The following PRKG1 variants were observed in gnomAD, a reference collection of about 807,000 sequenced individuals.
PRKG1 encodes cGMP-dependent protein kinase 1.
In PRKG1, 35 loss-of-function variants were observed where a neutral mutation model predicts 88.1. That is an observed-to-expected ratio of 0.40 (90% confidence interval 0.30 to 0.53). The LOEUF (loss-of-function observed/expected upper bound fraction) is 0.53, where lower values mean the gene tolerates loss of function less well. PRKG1 is among the 20% of genes least tolerant of loss of function. PRKG1 has a pLI of 0.59. For synonymous variants in PRKG1, 303 were observed against 292.5 expected, an observed-to-expected ratio of 1.04 and a Z score of -0.37; for missense variants, 540 against 839.8, an observed-to-expected ratio of 0.64 and a Z score of 4.41.
intron 1 of PRKG1, among the ~76,000 whole-genome samples, chr10:51,077,411 T>TC (rs1843985148): frequency 6.6e-6 from 1 of 152,200 alleles, no homozygotes; most frequent in Non-Finnish European, 1.5e-5. Flanking sequence ...TTTTTGATTC[T>TC]CTTTTTTTTA....
At chr10:51,431,819 A>G (rs1276157059) in intron 2 of PRKG1, among the ~76,000 whole-genome samples, 3 of 152,206 alleles carry the variant, frequency 2.0e-5, no homozygotes, top group Non-Finnish European at 2.9e-5. Flanking sequence ...ATTTTTTAGT[A>G]TATTTTAATA....
chr10:51,069,900 G>A (rs879572374), upstream of PRKG1, among the ~76,000 whole-genome samples: 3 of 151,988 alleles, frequency 2.0e-5, no homozygotes, highest in African/African-American at 4.8e-5. Flanking sequence ...TCTGGCAAAT[G>A]GGTTCAAGTT....
chr10:51,031,109 CTA>C (rs1216101543), intron 1 of PRKG1, among the ~76,000 whole-genome samples: 1 of 152,116 alleles, frequency 6.6e-6, no homozygotes, highest in Non-Finnish European at 1.5e-5. Context: ...AATCTTGACT[CTA>C]TTTGCATTTT....
chr10:51,031,423 G>A (rs1023749971), intron 1 of PRKG1, among the ~76,000 whole-genome samples: 6 of 152,116 alleles, frequency 3.9e-5, no homozygotes, highest in African/African-American at 1.2e-4. Flanking sequence ...CAAAGAGATG[G>A]CAGCTTCTCA....
At chr10:51,813,081 C>G (rs1235624362) in intron 4 of PRKG1, among the ~76,000 whole-genome samples, 1 of 152,204 alleles carries the variant, frequency 6.6e-6, no homozygotes, top group Non-Finnish European at 1.5e-5. Context: ...GGACCCACTT[C>G]AAACTCAAAT....
chr10:51,966,560 T>C (rs1589464296), intron 5 of PRKG1, among the ~76,000 whole-genome samples: 1 of 152,164 alleles, frequency 6.6e-6, no homozygotes, highest in East Asian at 1.9e-4. Flanking sequence ...CCAAACTTTC[T>C]CCCAATTCCT....
At chr10:52,214,930 T>A (rs1167677697) in intron 9 of PRKG1, among the ~76,000 whole-genome samples, 1 of 152,096 alleles carries the variant, frequency 6.6e-6, no homozygotes, top group Non-Finnish European at 1.5e-5. Flanking sequence ...TGTGGGTCAT[T>A]TTGAATATTG....
At chr10:51,049,084 G>A (rs1843527451) in intron 1 of PRKG1, among the ~76,000 whole-genome samples, 1 of 151,882 alleles carries the variant, frequency 6.6e-6, no homozygotes, top group African/African-American at 2.4e-5. Context: ...GACAGGGCCG[G>A]GAAAGGAAGA....
At chr10:51,902,458 T>C (rs1842001046) in intron 4 of PRKG1, among the ~76,000 whole-genome samples, 1 of 152,120 alleles carries the variant, frequency 6.6e-6, no homozygotes, top group Non-Finnish European at 1.5e-5. Flanking sequence ...ACTATACACT[T>C]CTAAAATTAT....
intron 3 of PRKG1, among the ~76,000 whole-genome samples, chr10:51,555,874 C>T (rs1837297453): frequency 6.6e-6 from 1 of 151,982 alleles, no homozygotes; most frequent in Non-Finnish European, 1.5e-5. Flanking sequence ...ATACCCCCTA[C>T]ATCTGAAGTT....
chr10:51,151,085 A>G (rs1384064943), intron 1 of PRKG1, among the ~76,000 whole-genome samples: 2 of 149,878 alleles, frequency 1.3e-5, no homozygotes, highest in East Asian at 3.9e-4. Context: ...ATTAGTTTTT[A>G]TTGTACAAGA....
At chr10:51,837,335 A>G (rs1450686076) in intron 4 of PRKG1, among the ~76,000 whole-genome samples, 1 of 152,194 alleles carries the variant, frequency 6.6e-6, no homozygotes, top group Non-Finnish European at 1.5e-5. Flanking sequence ...AAAATTAAAT[A>G]GCATACTTTA....
At chr10:51,244,583 G>A (rs1839239638) in intron 2 of PRKG1, among the ~76,000 whole-genome samples, 1 of 151,894 alleles carries the variant, frequency 6.6e-6, no homozygotes, top group East Asian at 1.9e-4. Context: ...ATGCCTTAAG[G>A]GATCCCTAGA....
intron 1 of PRKG1, among the ~76,000 whole-genome samples, chr10:51,137,757 G>A (rs942304810): frequency 7.9e-5 from 12 of 152,180 alleles, no homozygotes; most frequent in African/African-American, 2.9e-4. Flanking sequence ...ATGCTATGAC[G>A]AGCTGAGTGA....
At chr10:51,649,572 G>A (rs1031408097) in intron 3 of PRKG1, among the ~76,000 whole-genome samples, 1 of 152,146 alleles carries the variant, frequency 6.6e-6, no homozygotes, top group African/African-American at 2.4e-5. Context: ...TCGTGTCACC[G>A]ATAGAGAGTC....
At chr10:51,681,697 A>G (rs886329358) in intron 3 of PRKG1, among the ~76,000 whole-genome samples, 9 of 152,128 alleles carry the variant, frequency 5.9e-5, no homozygotes, top group Non-Finnish European at 1.2e-4. Flanking sequence ...TTTTTTTAAT[A>G]CATATAATTT....
At chr10:52,116,129 G>A (rs1847681629) in intron 7 of PRKG1, among the ~76,000 whole-genome samples, 1 of 152,120 alleles carries the variant, frequency 6.6e-6, no homozygotes, top group Non-Finnish European at 1.5e-5. Flanking sequence ...TGAAAGCTCT[G>A]CTGCTATGAT....
chr10:51,239,135 T>C (rs1048904444), intron 2 of PRKG1, among the ~76,000 whole-genome samples: 1 of 152,078 alleles, frequency 6.6e-6, no homozygotes, highest in Admixed American at 6.6e-5. Context: ...TAGAAGTAAA[T>C]TAAAATAGAA....
intron 3 of PRKG1, among the ~76,000 whole-genome samples, chr10:51,603,632 G>A (rs1838675110): frequency 6.6e-6 from 1 of 152,188 alleles, no homozygotes; most frequent in Non-Finnish European, 1.5e-5. Flanking sequence ...TGCCTATTAT[G>A]TATCTCACTG....
Sources: gnomAD v4.1 joint callset for allele counts (sites outside exome capture counted in the v4.1 genomes callset) on GRCh38, gnomAD v4.1.1 for gene constraint, MANE v1.5 for transcripts, NCBI Gene and HGNC (gene_info 2026-07-23, HGNC 2026-07-21) for gene names.